The following HGS variants were observed in gnomAD, a reference collection of about 807,000 sequenced individuals.
HGS encodes the protein hepatocyte growth factor-regulated tyrosine kinase substrate, also known as human growth factor-regulated tyrosine kinase substrate.
A neutral mutation model predicts 109.7 loss-of-function variants in HGS; 63 were observed. The ratio of observed to expected loss-of-function variants is 0.57; its 90% CI spans 0.47 to 0.71. HGS has a LOEUF of 0.71. Among genes scored for constraint, HGS ranks in the 30% least tolerant of loss-of-function variants. The probability of loss-of-function intolerance (pLI) is 0.00; values close to 1 mark genes in which losing one functional copy is unlikely to be tolerated. For missense variants in HGS, 995 were observed against 1,068.3 expected (o/e 0.93, Z 0.96); for synonymous variants, 546 against 437.3 (o/e 1.25, Z -3.10).
chr17:81,695,189 A>C lies in HGS; in HGVS notation c.1145A>C (p.Gln382Pro). ...AACCCCCTCCCGGAGACAGACTCTC[A>C]GCCCATTCCTCCCTCTGGTGGCCCC... is the stretch of plus-strand genomic sequence containing the variant. The part of the protein sequence containing the change: ...VENPLPETDS[Q>P]PIPPSGGPFS... The change falls in exon 14 of 22, where the codon CAG becomes CCG. Residue 382 changes from glutamine (Q) to proline (P), a missense_variant. Transcript: ENST00000329138. The C allele has an allele frequency of 6.2e-7, 1 of 1,614,074 alleles. No homozygotes were observed. Among genetic ancestry groups the C allele is most frequent in the Non-Finnish European group, 8.5e-7 (1 of 1,179,902 alleles).
intron 1 of HGS, 150 bp from the exon 2 acceptor site, chr17:81,685,455 C>T (rs2036963758): frequency 3.6e-6 from 2 of 552,448 alleles, no homozygotes; most frequent in Non-Finnish European, 6.4e-6. Flanking sequence ...TGCCCATCAG[C>T]ACGCTCAGGA....
At position 81,694,828 on chromosome 17, in the gene HGS, C is replaced by T. The variant is rs757532529; in HGVS notation, c.950C>T (p.Pro317Leu). 2 of 1,614,144 alleles carry T rather than the reference C, an allele frequency of 1.2e-6. No homozygotes were observed. Among genetic ancestry groups the T allele is most frequent in the African/African-American group, 1.3e-5 (1 of 74,950 alleles). The change falls in exon 12 of 22, where the codon CCT (proline) becomes CTT (leucine). Residue 317 changes from proline to leucine, a missense_variant. This residue lies in a region of HGS where 300 missense variants were observed against 235.4 expected (regional missense o/e 1.27). Coordinates refer to ENST00000329138, the MANE Select transcript of HGS (RefSeq NM_004712.5). ...LYSSPVNSSA[P>L]LAEDIDPELA... ...TTTTCTCCCCAGAACTCGTCGGCGC[C>T]TCTGGCTGAGGACATCGACCCTGAG... is the stretch of plus-strand genomic sequence containing the variant.
At position 81,693,685 on chromosome 17, in the gene HGS, A is replaced by G; in HGVS notation, c.773A>G (p.Gln258Arg). The change falls in exon 10 of 22, where the codon CAG (glutamine) becomes CGG (arginine). Residue 258 changes from glutamine to arginine, a missense_variant. Physicochemically the swap from Gln to Arg is conservative, Grantham distance 43. Transcript: ENST00000329138. Reference protein sequence around the residue: ...LPPKRDETALQEEEELQLALA... With the variant: ...LPPKRDETALREEEELQLALA... ...CCCAAGAGGGACGAGACGGCCCTGCAGGAGGAGGAGGAGCTGCAGCTGGCC... is the reference window on the plus strand; with the variant it reads ...CCCAAGAGGGACGAGACGGCCCTGCGGGAGGAGGAGGAGCTGCAGCTGGCC... 6.5e-7 allele frequency: 1 copy of G among 1,549,712 alleles called. No homozygotes were observed.
At chr17:81,686,285 C>T (rs1238450588) in intron 2 of HGS, 27 bp from the exon 3 acceptor site, 4 of 1,596,806 alleles carry the variant, frequency 2.5e-6, no homozygotes, top group Admixed American at 1.7e-5. Context: ...CCGTTTTTCT[C>T]TGCTTTTATC....
Position 81,701,572 on chromosome 17 carries a change from G to A in HGS, c.2288G>A (p.Gly763Glu), listed in dbSNP as rs1258780219. 2 of 1,571,640 alleles carry A rather than the reference G, an allele frequency of 1.3e-6. No homozygotes were observed. Among genetic ancestry groups the A allele is most frequent in the Non-Finnish European group, 1.7e-6 (2 of 1,165,966 alleles). Reference protein sequence around the residue: ...PPVAQQPQAQGPPAQGSEAQL... With the variant: ...PPVAQQPQAQEPPAQGSEAQL... Reference sequence around the variant, plus strand: ...GTGGCCCAGCAACCGCAGGCACAGGGGCCGCCGGCACAGGGCAGCGAGGCC... The same window carrying A: ...GTGGCCCAGCAACCGCAGGCACAGGAGCCGCCGGCACAGGGCAGCGAGGCC... Residue 763 changes from glycine to glutamate, a missense_variant, in exon 22 of 22, where the codon GGG becomes GAG. Physicochemically the swap from Gly to Glu is moderately conservative, Grantham distance 98 (BLOSUM62 -2). Transcript: ENST00000329138.
rs370223916 is a variant in HGS, at chr17:81,693,655, T to C, written c.743T>C (p.Leu248Pro). 937 of 1,547,216 alleles carry C rather than the reference T, an allele frequency of 6.1e-4. 11 individuals carry two copies. The South Asian group carries it at 0.01, about 17-fold the overall frequency. The change falls in exon 10 of 22, where the codon CTG becomes CCG. Residue 248 changes from leucine to proline, a missense_variant and splice_region_variant. Transcript: ENST00000329138. ...LTSPLSQQSQ[L>P]PPKRDETALQ... is the part of the protein sequence containing the mutation. ...CTCACCCTCCCCGCTTGTCCTCAGC[T>C]GCCCCCCAAGAGGGACGAGACGGCC...
At chr17:81,695,764 C>T (rs2037136300) in intron 14 of HGS, 22 bp from the exon 15 acceptor site, 2 of 1,612,110 alleles carry the variant, frequency 1.2e-6, no homozygotes, top group African/African-American at 1.3e-5. Context: ...CGCACTCATC[C>T]AGAACCCTGC....
rs2037065285 is a variant in HGS, at chr17:81,691,670, A to G, written c.662+99A>G. On this transcript the variant is annotated intron_variant, in intron 8 of 21. Coordinates refer to ENST00000329138, the MANE Select transcript of HGS (RefSeq NM_004712.5). This position sits in a 1 kb window ranked among gnomAD's most constrained non-coding sequence, Gnocchi z 5.3. ...ATGGTGCCTGAGGCCTGCAGACCCC[A>G]GAGGACCCTCACAGCACAGCAGCTG... 6.7e-7 allele frequency: 1 copy of G among 1,482,648 alleles called. No homozygotes were observed. The highest frequency in any genetic ancestry group is 1.2e-5 in the South Asian group (1 of 85,494). 91.8% of individuals were successfully genotyped at this position (1,482,648 alleles called of 1,614,324 possible).
chr17:81,693,661 C>G lies in HGS; in HGVS notation c.749C>G (p.Pro250Arg), dbSNP rs936427630. 1.9e-6 allele frequency: 3 copies of G among 1,554,104 alleles called. No individual in the cohort carries two copies. Among genetic ancestry groups the G allele is most frequent in the South Asian group, 1.2e-5 (1 of 84,694 alleles). ...CTCCCCGCTTGTCCTCAGCTGCCCCCCAAGAGGGACGAGACGGCCCTGCAG... is the reference window on the plus strand; with the variant it reads ...CTCCCCGCTTGTCCTCAGCTGCCCCGCAAGAGGGACGAGACGGCCCTGCAG... Reference protein sequence around the residue: ...SPLSQQSQLPPKRDETALQEE... With the variant: ...SPLSQQSQLPRKRDETALQEE... Residue 250 changes from proline (P) to arginine (R), a missense_variant, in exon 10 of 22, where the codon CCC becomes CGC. Physicochemically the swap from Pro to Arg is moderately radical, Grantham distance 103 (BLOSUM62 -2). This residue lies in a region of HGS where 300 missense variants were observed against 235.4 expected (regional missense o/e 1.27). Transcript: ENST00000329138.
rs538257547 is a variant in HGS, at chr17:81,689,407, G to C, written c.415+580G>C. ...TGGCTGCCAAGGTGTGTTTCTTAAG[G>C]GTCCCTCTCGGCCATTGTGGCCGTG... On this transcript the variant is annotated intron_variant, in intron 5 of 21. Coordinates refer to ENST00000329138, the MANE Select transcript of HGS (RefSeq NM_004712.5). Among the ~76,000 whole-genome samples, 158 of 152,330 alleles carry C rather than the reference G, an allele frequency of 1.0e-3. 1 individual carries two copies. Among genetic ancestry groups the C allele is most frequent in the Middle Eastern group, 3.4e-3 (1 of 294 alleles).
chr17:81,688,474 A>G (rs1437527215), intron 4 of HGS, among the ~76,000 whole-genome samples: 2 of 152,342 alleles, frequency 1.3e-5, no homozygotes, highest in East Asian at 3.9e-4. Flanking sequence ...TCAGGGGCAC[A>G]GAGACGCGGC....
At chr17:81,693,464 T>A (rs778055450) in intron 8 of HGS, 39 bp from the exon 9 acceptor site, 2 of 1,508,112 alleles carry the variant, frequency 1.3e-6, no homozygotes, top group Non-Finnish European at 1.8e-6. Context: ...CAGGGCGGTG[T>A]CAGCGCATGG....
chr17:81,685,787 T>C (rs1161501245), intron 2 of HGS, 98 bp downstream of exon 2: 22 of 835,244 alleles, frequency 2.6e-5, no homozygotes, highest in Non-Finnish European at 4.0e-5. Context: ...TAGCTGACCG[T>C]GTTAGGCTCT....
intron 8 of HGS, 134 bp from the exon 9 acceptor site, chr17:81,693,366 GACA>G: frequency 1.5e-6 from 1 of 688,748 alleles, no homozygotes; most frequent in South Asian, 1.7e-5. Flanking sequence ...TGGCCATTCG[GACA>G]CCTGTGGCTG....
chr17:81,691,317 G>A lies in HGS; in HGVS notation c.538-130G>A. 1.7e-6 allele frequency: 2 copies of A among 1,156,138 alleles called. No homozygotes were observed. Among genetic ancestry groups the A allele is most frequent in the South Asian group, 2.7e-5 (2 of 73,438 alleles). 71.6% of individuals were successfully genotyped at this position (1,156,138 alleles called of 1,614,324 possible). A position where few individuals can be genotyped will look rare whatever the true frequency, so the allele number is the denominator to read the frequency against. ...GGCCTTAGGGTCTTCCCAGGCACTT[G>A]TTCTGCTTGTCCCTTGCCTTCCCCC... On this transcript the variant is annotated intron_variant, in intron 7 of 21. Coordinates refer to ENST00000329138, the MANE Select transcript of HGS (RefSeq NM_004712.5). This position sits in a 1 kb window ranked among gnomAD's most constrained non-coding sequence, Gnocchi z 5.3.
chr17:81,700,175 G>T (rs2037212380), intron 18 of HGS, among the ~76,000 whole-genome samples: 1 of 151,608 alleles, frequency 6.6e-6, no homozygotes, highest in Non-Finnish European at 1.5e-5. Context: ...GACAATCCTG[G>T]CCAACATGAT....
rs1200563367 is a variant in HGS, at chr17:81,701,524, G to A, written c.2240G>A (p.Gly747Asp). ...PMYQQMAPSG[G>D]PPQQQPPVAQ... ...CCTGCACAGATGGCACCCTCTGGCGGTCCCCCCCAGCAGCAGCCCCCCGTG... is the reference window on the plus strand; with the variant it reads ...CCTGCACAGATGGCACCCTCTGGCGATCCCCCCCAGCAGCAGCCCCCCGTG... The change falls in exon 22 of 22, where the codon GGT becomes GAT. Residue 747 changes from glycine to aspartate, a missense_variant. By Grantham distance (94) the Gly-to-Asp change is moderately conservative. Around this residue, in one of 6 missense-constraint regions of HGS, gnomAD observed 326 missense variants for 309.7 expected, o/e 1.05. Coordinates refer to ENST00000329138, the MANE Select transcript of HGS (RefSeq NM_004712.5). The A allele has an allele frequency of 1.3e-6, 2 of 1,560,048 alleles. No individual in the cohort carries two copies. Among genetic ancestry groups the A allele is most frequent in the African/African-American group, 1.4e-5 (1 of 73,878 alleles).
intron 1 of HGS, chr17:81,685,024 A>AG (rs553881195): frequency 1.1e-5 from 11 of 985,242 alleles, no homozygotes; most frequent in Non-Finnish European, 1.3e-5. Context: ...CTGCCCCCCC[A>AG]GAGGGGCCAG....
At chr17:81,697,126 C>A in intron 18 of HGS, 128 bp downstream of exon 18, 1 of 1,046,198 alleles carries the variant, frequency 9.6e-7, no homozygotes, top group Non-Finnish European at 1.3e-6. Context: ...GTTGTCCCTG[C>A]TTTTTCCTGT....
Sources: allele counts gnomAD v4.1 joint callset (sites outside exome capture counted in the v4.1 genomes callset), GRCh38; gene constraint gnomAD v4.1.1; regional missense constraint gnomAD v4.1.1; non-coding constraint Gnocchi (gnomAD v3.1); transcripts MANE v1.5; gene names NCBI Gene and HGNC (gene_info 2026-07-23, HGNC 2026-07-21).